The following NRP1 variants were observed in gnomAD, a reference collection of about 807,000 sequenced individuals.
NRP1 encodes neuropilin 1, also known as neuropilin-1.
NRP1 carries 35 observed loss-of-function variants against 106.7 expected under a neutral mutation model. That is an observed-to-expected ratio of 0.33 (90% confidence interval 0.25 to 0.43). The LOEUF is 0.43. NRP1 is among the 20% of genes least tolerant of loss of function. The pLI is 1.00. For missense variants in NRP1, 1,024 were observed against 1,170.4 expected, an observed-to-expected ratio of 0.87 and a Z score of 1.83; for synonymous variants, 437 against 417.9, an observed-to-expected ratio of 1.05 and a Z score of -0.56.
Position 33,227,497 on chromosome 10 carries a change from G to A in NRP1, c.982-1208C>T, listed in dbSNP as rs1486239627. On this transcript the variant is annotated intron_variant, in intron 6 of 16. Coordinates refer to ENST00000374867, the MANE Select transcript of NRP1 (RefSeq NM_003873.7). ...TCTTCCCTCCCCACATCTTCCTGTG[G>A]CCTCTCTCCTTGCAGCTCAGTTTGA... Among the ~76,000 whole-genome samples the A allele has an allele frequency of 2.6e-5, 4 of 152,138 alleles. No individual in the cohort carries two copies. The East Asian group carries it at 7.7e-4, about 29-fold the overall frequency.
In NRP1 at chr10:33,256,387, TA is replaced by T; in HGVS notation, c.742del (p.Tyr248ThrfsTer6). ...SSSGILSMVF[Y>X]TDSAIAKEGF... Reference sequence around the variant, plus strand: ...TTCTTTTGCTATCGCGCTGTCGGTGTAAAAAACCATGGAGAGAATGCCCGAT... The same window carrying T: ...TTCTTTTGCTATCGCGCTGTCGGTGTAAAAACCATGGAGAGAATGCCCGAT... On this transcript the variant is annotated frameshift_variant, in exon 5 of 17. Coordinates refer to ENST00000374867, the MANE Select transcript of NRP1 (RefSeq NM_003873.7). LOFTEE classifies it high-confidence loss of function. 6.2e-7 allele frequency: 1 copy of T among 1,614,198 alleles called. No individual in the cohort carries two copies. The highest frequency in any genetic ancestry group is 8.5e-7 in the Non-Finnish European group (1 of 1,180,022).
At position 33,319,297 on chromosome 10, in the gene NRP1, C is replaced by G. The variant is rs116604588; in HGVS notation, c.248+11411G>C. 2.6e-5 allele frequency among the ~76,000 whole-genome samples: 4 copies of G among 151,892 alleles called. No individual in the cohort carries two copies. The South Asian group carries it at 8.3e-4, about 31-fold the overall frequency. On this transcript the variant is annotated intron_variant, in intron 2 of 16. Transcript: ENST00000374867. The stretch of plus-strand genomic sequence containing the variant: ...CTGGGATTACAGGTGTGAGTCACCG[C>G]GCCCAGAGGACTTAGACACCTTTTC...
intron 2 of NRP1, among the ~76,000 whole-genome samples, chr10:33,300,462 C>T (rs1052257222): frequency 5.3e-5 from 8 of 152,196 alleles, no homozygotes; most frequent in Non-Finnish European, 7.3e-5. Context: ...TCCTCCCGCC[C>T]GGCCTGGACA....
intron 12 of NRP1, among the ~76,000 whole-genome samples, chr10:33,193,160 G>C (rs555232921): frequency 2.5e-4 from 38 of 151,984 alleles, no homozygotes; most frequent in Non-Finnish European, 1.5e-4. Context: ...ATGTTCAAAA[G>C]GCTTCCTTAG....
chr10:33,256,779 A>T (rs945675881), intron 4 of NRP1, among the ~76,000 whole-genome samples: 4 of 152,208 alleles, frequency 2.6e-5, no homozygotes, highest in African/African-American at 9.7e-5. Flanking sequence ...TTGAAGTGGC[A>T]CCTTGGTACC....
At chr10:33,300,130 C>T (rs940345903) in intron 2 of NRP1, among the ~76,000 whole-genome samples, 2 of 152,188 alleles carry the variant, frequency 1.3e-5, no homozygotes, top group African/African-American at 4.8e-5. Context: ...TTTGCTATCA[C>T]GGGGACACCC....
At chr10:33,324,004 A>T (rs188303805) in intron 2 of NRP1, among the ~76,000 whole-genome samples, 1 of 152,320 alleles carries the variant, frequency 6.6e-6, no homozygotes, top group East Asian at 1.9e-4. Context: ...GTCTGATAAG[A>T]TTTCAACCAA....
intron 4 of NRP1, among the ~76,000 whole-genome samples, chr10:33,262,553 A>G (rs1245372031): frequency 6.6e-6 from 1 of 152,012 alleles, no homozygotes; most frequent in Non-Finnish European, 1.5e-5. Context: ...AAATGCAAAA[A>G]TTAGCTGAGT....
chr10:33,313,614 A>T lies in NRP1; in HGVS notation c.248+17094T>A, dbSNP rs561530824. On this transcript the variant is annotated intron_variant, in intron 2 of 16. Coordinates refer to ENST00000374867, the MANE Select transcript of NRP1 (RefSeq NM_003873.7). ...AGAGACAAAAGTGCTTAAAGAGAAG[A>T]GCTTCATTCCTCTCATTTCACAGAT... is the stretch of plus-strand genomic sequence containing the variant. Among the ~76,000 whole-genome samples, 20 of 152,306 alleles carry T rather than the reference A, an allele frequency of 1.3e-4. 1 individual carries two copies. The Middle Eastern group carries it at 0.014, about 104-fold the overall frequency.
intron 2 of NRP1, among the ~76,000 whole-genome samples, chr10:33,296,286 C>CAGGT (rs1845379879): frequency 6.6e-6 from 1 of 152,168 alleles, no homozygotes; most frequent in South Asian, 2.1e-4. Flanking sequence ...ACAGGAAGGC[C>CAGGT]TGTTTGAAGC....
At chr10:33,202,540 G>T in intron 11 of NRP1, 2 of 1,372,468 alleles carry the variant, frequency 1.5e-6, no homozygotes, top group Middle Eastern at 2.6e-4. Flanking sequence ...GAAGTGTGTG[G>T]TTACGTAGGG....
intron 9 of NRP1, chr10:33,212,704 T>G (rs895307176): frequency 6.5e-6 from 1 of 152,824 alleles, no homozygotes; most frequent in African/African-American, 2.4e-5. Context: ...GGAATCTCAC[T>G]CTGTCACCCA....
chr10:33,211,365 T>C (rs556224825), intron 9 of NRP1: 5 of 152,358 alleles, frequency 3.3e-5, no homozygotes, highest in Non-Finnish European at 5.9e-5. Context: ...TCTGATGCAG[T>C]CAGAGCTCAC....
chr10:33,329,607 T>C (rs1415390562), intron 2 of NRP1, among the ~76,000 whole-genome samples: 2 of 152,244 alleles, frequency 1.3e-5, no homozygotes, highest in Non-Finnish European at 2.9e-5. Context: ...TACACCAAAC[T>C]GACCCACTTT....
At chr10:33,277,705 A>T (rs1296596987) in intron 2 of NRP1, among the ~76,000 whole-genome samples, 1 of 152,266 alleles carries the variant, frequency 6.6e-6, no homozygotes, top group Non-Finnish European at 1.5e-5. Flanking sequence ...AAAATATAAA[A>T]TTGCATGCTA....
chr10:33,256,732 AT>A (rs1486696328), intron 4 of NRP1, among the ~76,000 whole-genome samples: 2 of 152,228 alleles, frequency 1.3e-5, no homozygotes, highest in East Asian at 3.8e-4. Flanking sequence ...CAGAATCAAA[AT>A]GCTTGCTTCA....
intron 2 of NRP1, among the ~76,000 whole-genome samples, chr10:33,272,714 T>C (rs1390205606): frequency 1.3e-5 from 2 of 152,190 alleles, no homozygotes; most frequent in Admixed American, 1.3e-4. Flanking sequence ...GGTTTGCATG[T>C]TTCGCCCCAC....
At chr10:33,274,259 A>T (rs1324134066) in intron 2 of NRP1, among the ~76,000 whole-genome samples, 13 of 152,152 alleles carry the variant, frequency 8.5e-5, no homozygotes, top group Non-Finnish European at 8.8e-5. Context: ...TCAAGCTAAA[A>T]GCCTATTGGC....
At chr10:33,261,664 G>A (rs1842581888) in intron 4 of NRP1, among the ~76,000 whole-genome samples, 1 of 152,102 alleles carries the variant, frequency 6.6e-6, no homozygotes, top group South Asian at 2.1e-4. Context: ...GTTTACTACT[G>A]AGGAACATAG....
Sources: allele counts gnomAD v4.1 joint callset (sites outside exome capture counted in the v4.1 genomes callset), GRCh38; gene constraint gnomAD v4.1.1; transcripts MANE v1.5; gene names NCBI Gene and HGNC (gene_info 2026-07-23, HGNC 2026-07-21).